The following RDH12 variants were observed in gnomAD, a reference collection of about 807,000 sequenced individuals.
RDH12 encodes the protein all-trans and 9-cis retinol dehydrogenase.
RDH12 carries 21 observed loss-of-function variants against 34.0 expected under a neutral mutation model. That is an observed-to-expected ratio of 0.62 (90% CI 0.44 to 0.89). The LOEUF is 0.89. Ranked by LOEUF, RDH12 falls within the 40% of genes least tolerant of loss-of-function variation. RDH12 has a pLI of 0.00. For missense variants in RDH12, 394 were observed against 398.6 expected (o/e 0.99, Z 0.10); for synonymous variants, 198 against 169.9 (o/e 1.17, Z -1.29).
At chr14:67,730,992 G>A (rs1802366701) in intron 8 of RDH12, among the ~76,000 whole-genome samples, 1 of 152,040 alleles carries the variant, frequency 6.6e-6, no homozygotes, top group Non-Finnish European at 1.5e-5. Context: ...TGAGATAAAA[G>A]ATATCTCATT....
At chr14:67,702,810 T>G (rs57077522) in intron 1 of RDH12, among the ~76,000 whole-genome samples, 1 of 152,046 alleles carries the variant, frequency 6.6e-6, no homozygotes, top group Non-Finnish European at 1.5e-5. Context: ...ATCTTATACC[T>G]TTATTTTTTG....
intron 1 of RDH12, among the ~76,000 whole-genome samples, chr14:67,711,558 A>G (rs984870777): frequency 1.3e-5 from 2 of 152,180 alleles, no homozygotes; most frequent in Non-Finnish European, 2.9e-5. Flanking sequence ...GCTCTTTTAT[A>G]TATTTTCAGT....
At position 67,724,460 on chromosome 14, in the gene RDH12, C is replaced by T. The variant is rs867073103; in HGVS notation, c.69-13C>T. On this transcript the variant is annotated splice_polypyrimidine_tract_variant and intron_variant, in intron 3 of 8. Coordinates refer to ENST00000551171, the MANE Select transcript of RDH12 (RefSeq NM_152443.3). ...AGGATGGTACGTGATGCTCTTGTTTCCCTTGCCGATAGGAAGTTCTTTGCT... is the reference window on the plus strand; with the variant it reads ...AGGATGGTACGTGATGCTCTTGTTTTCCTTGCCGATAGGAAGTTCTTTGCT... 1.9e-6 allele frequency: 3 copies of T among 1,552,662 alleles called. No individual in the cohort carries two copies. The highest frequency in any genetic ancestry group is 1.7e-5 in the Admixed American group (1 of 58,974).
At chr14:67,724,972 G>A in intron 4 of RDH12, 127 bp from the exon 5 acceptor site, 1 of 1,115,724 alleles carries the variant, frequency 9.0e-7, no homozygotes, top group East Asian at 2.3e-5. Flanking sequence ...GTGGCAATAT[G>A]TTCACTCTAC....
intron 1 of RDH12, among the ~76,000 whole-genome samples, chr14:67,711,645 AT>A (rs1190185218): frequency 4.6e-5 from 7 of 152,244 alleles, no homozygotes; most frequent in Admixed American, 3.3e-4. Flanking sequence ...TTATAGATTC[AT>A]AAAGACCTTT....
At position 67,724,563 on chromosome 14, in the gene RDH12, G is replaced by A. The variant is rs758515461; in HGVS notation, c.159G>A (p.Lys53=). The A allele has an allele frequency of 6.2e-7, 1 of 1,613,826 alleles. No homozygotes were observed. The highest frequency in any genetic ancestry group is 1.7e-5 in the Admixed American group (1 of 60,018). ...VITGANTGIG[K]ETARELASRG... ...CTGGCGCCAACACGGGCATTGGCAA[G>A]GAGACGGCCAGAGAGCTCGCTAGCC... Residue 53 remains lysine (K), a synonymous_variant, in exon 4 of 9, where the codon AAG becomes AAA. Transcript: ENST00000551171.
intron 1 of RDH12, among the ~76,000 whole-genome samples, chr14:67,706,518 G>A (rs556033658): frequency 2.0e-5 from 3 of 152,328 alleles, no homozygotes; most frequent in Admixed American, 2.0e-4. Context: ...GTCTGGAAAG[G>A]AGGGACAGCT....
intron 1 of RDH12, among the ~76,000 whole-genome samples, chr14:67,709,363 C>T (rs2037985393): frequency 1.3e-5 from 2 of 152,156 alleles, no homozygotes; most frequent in Admixed American, 6.5e-5. Context: ...ATTCATTTTT[C>T]AAAATTTTAT....
chr14:67,716,818 A>T (rs112304783), intron 1 of RDH12, among the ~76,000 whole-genome samples: 8 of 150,686 alleles, frequency 5.3e-5, no homozygotes, highest in African/African-American at 2.0e-4. Context: ...CGGGAGGTGG[A>T]GTTTGCAGTG....
At chr14:67,729,612 T>C in intron 8 of RDH12, 2 of 629,412 alleles carry the variant, frequency 3.2e-6, no homozygotes, top group South Asian at 3.6e-5. Flanking sequence ...CGCTTTTCCA[T>C]GAAAACTTTG....
Position 67,724,817 on chromosome 14 carries a change from G to A in RDH12, c.187+226G>A, listed in dbSNP as rs564842204. The stretch of plus-strand genomic sequence containing the variant: ...TATTAAATAAAATAAGGAAAACGAT[G>A]TCTGTGTATAGCCAAGTCAGTTATT... On this transcript the variant is annotated intron_variant, in intron 4 of 8. Transcript: ENST00000551171. 7.2e-5 allele frequency among the ~76,000 whole-genome samples: 11 copies of A among 152,308 alleles called. 1 individual carries two copies. In the South Asian group the frequency reaches 2.3e-3, roughly 32 times the overall value.
intron 3 of RDH12, among the ~76,000 whole-genome samples, chr14:67,724,111 T>G (rs2038156392): frequency 6.6e-6 from 1 of 152,112 alleles, no homozygotes; most frequent in Non-Finnish European, 1.5e-5. Context: ...ATGCATATGT[T>G]TTGAATGTAG....
chr14:67,725,278 A>G, intron 5 of RDH12, 24 bp downstream of exon 5: 4 of 1,611,990 alleles, frequency 2.5e-6, no homozygotes, highest in Non-Finnish European at 3.4e-6. Context: ...GGGTAGGTAG[A>G]AAAGCAGGAA....
At chr14:67,727,425 T>G in intron 7 of RDH12, 32 of 506,040 alleles carry the variant, frequency 6.3e-5, no homozygotes, top group Middle Eastern at 5.7e-4. Context: ...ATCTTATCTC[T>G]TATCTCATTT....
chr14:67,721,279 C>T (rs999709089), intron 2 of RDH12, among the ~76,000 whole-genome samples: 1 of 152,126 alleles, frequency 6.6e-6, no homozygotes, highest in Admixed American at 6.5e-5. Flanking sequence ...CAATGAATCC[C>T]ACTTACCCTT....
intron 7 of RDH12, chr14:67,727,790 G>C (rs910847310): frequency 4.4e-5 from 7 of 160,846 alleles, no homozygotes; most frequent in Non-Finnish European, 8.2e-5. Context: ...TGAGGTCCAA[G>C]GAAATGGCCA....
intron 1 of RDH12, among the ~76,000 whole-genome samples, chr14:67,719,412 G>A (rs2038100092): frequency 6.6e-6 from 1 of 152,174 alleles, no homozygotes; most frequent in East Asian, 1.9e-4. Context: ...CAGTTCATTT[G>A]GAAGCCTGTG....
chr14:67,724,674 T>C, intron 4 of RDH12, 83 bp downstream of exon 4: 1 of 1,083,992 alleles, frequency 9.2e-7, no homozygotes, highest in Non-Finnish European at 1.4e-6. Context: ...TTGCTTTGTG[T>C]TTCCTCCTAG....
chr14:67,732,063 G>C (rs1313043451), intron 8 of RDH12, among the ~76,000 whole-genome samples: 1 of 150,626 alleles, frequency 6.6e-6, no homozygotes, highest in Admixed American at 6.6e-5. Flanking sequence ...GGAGGCGGAG[G>C]CTGCAGTAAG....
Sources: allele counts gnomAD v4.1 joint callset (sites outside exome capture counted in the v4.1 genomes callset), GRCh38; gene constraint gnomAD v4.1.1; transcripts MANE v1.5; gene names NCBI Gene and HGNC (gene_info 2026-07-23, HGNC 2026-07-21).